The following CACNB1 variants were observed in gnomAD, a reference collection of about 807,000 sequenced individuals.
CACNB1 encodes the protein calcium voltage-gated channel auxiliary subunit beta 1.
A neutral mutation model predicts 71.6 loss-of-function variants in CACNB1; 29 were observed. The ratio of observed to expected loss-of-function variants is 0.40; its 90% CI spans 0.30 to 0.55. The LOEUF is 0.55. CACNB1 is among the 20% of genes least tolerant of loss of function. The pLI is 0.38. For synonymous variants in CACNB1, 300 were observed against 319.6 expected (o/e 0.94, Z 0.65); for missense variants, 623 against 801.8 (o/e 0.78, Z 2.69).
intron 2 of CACNB1, chr17:39,193,249 CAG>C (rs2046127471): frequency 6.6e-6 from 2 of 300,840 alleles, no homozygotes; most frequent in African/African-American, 2.3e-5. Flanking sequence ...CAGGTGCACA[CAG>C]ACACACATGT....
intron 1 of CACNB1, chr17:39,195,174 G>A (rs2046177627): frequency 1.8e-6 from 1 of 543,586 alleles, no homozygotes; most frequent in South Asian, 2.4e-5. Context: ...AGCACAGCCA[G>A]GAGTGGGGAC....
In CACNB1 at chr17:39,187,531, A is replaced by T. The variant is rs372424826; in HGVS notation, c.362T>A (p.Val121Glu). ...CTCGAAGGTGATGGCCACTCCCTGC[A>T]CAGGCACCTCATCCCCTGGAGACGG... Reference protein sequence around the residue: ...YNPSPGDEVPVQGVAITFEPK... With the variant: ...YNPSPGDEVPEQGVAITFEPK... Residue 121 changes from valine (V) to glutamate (E), a missense_variant, in exon 4 of 14, where the codon GTG becomes GAG. Transcript: ENST00000394303. 1 of 1,614,138 alleles carries T rather than the reference A, an allele frequency of 6.2e-7. No individual in the cohort carries two copies. The highest frequency in any genetic ancestry group is 8.5e-7 in the Non-Finnish European group (1 of 1,180,004).
chr17:39,186,436 TG>T lies in CACNB1; in HGVS notation c.628+59del. 1 of 1,270,796 alleles carries T rather than the reference TG, an allele frequency of 7.9e-7. No homozygotes were observed. The highest frequency in any genetic ancestry group is 1.1e-6 in the Non-Finnish European group (1 of 890,086). The allele number at this position is 1,270,796 out of a possible 1,614,324, so 78.7% of individuals were successfully genotyped here. A position where few individuals can be genotyped will look rare whatever the true frequency, so the allele number is the denominator to read the frequency against. ...TGCAGGGAAAGGAGGATTCAGGGAGTGGGGAGACCACCCCACCCAGGAGCTT... is the reference window on the plus strand; with the variant it reads ...TGCAGGGAAAGGAGGATTCAGGGAGTGGGAGACCACCCCACCCAGGAGCTT... On this transcript the variant is annotated intron_variant, in intron 6 of 13. Transcript: ENST00000394303. The surrounding 1 kb of genome is among the most constrained non-coding windows in gnomAD (Gnocchi z 4.1).
At chr17:39,188,416 A>C (rs905639636) in intron 3 of CACNB1, among the ~76,000 whole-genome samples, 1 of 152,150 alleles carries the variant, frequency 6.6e-6, no homozygotes, top group Non-Finnish European at 1.5e-5. Context: ...CGCTACTAAA[A>C]ATACAAAAAT....
Position 39,184,041 on chromosome 17 carries a change from G to A in CACNB1, c.888C>T (p.Arg296=), listed in dbSNP as rs771360174. The change falls in exon 10 of 14, where the codon CGC becomes CGT. Residue 296 remains arginine, a synonymous_variant. Transcript: ENST00000394303. ...CAGGAGTAGGCTCACCCAGGCTGGA[G>A]CGTGTGTTGGAGCGCTCAATGATGA... ...KHIIIERSNT[R]SSLAEVQSEI... 1.9e-6 allele frequency: 3 copies of A among 1,611,414 alleles called. No homozygotes were observed. In the East Asian group the frequency reaches 6.7e-5, roughly 36 times the overall value.
intron 3 of CACNB1, 71 bp from the exon 4 acceptor site, chr17:39,187,672 G>A: frequency 6.6e-7 from 1 of 1,522,226 alleles, no homozygotes; most frequent in Non-Finnish European, 9.1e-7. Flanking sequence ...CTTCCTGACA[G>A]TAGTGGTGGT....
intron 2 of CACNB1, chr17:39,193,058 G>A (rs1358296982): frequency 1.7e-5 from 3 of 174,232 alleles, no homozygotes; most frequent in East Asian, 1.9e-4. Context: ...GGGCATGCGC[G>A]TGCACACACA....
intron 1 of CACNB1, chr17:39,195,327 G>C (rs188186502): frequency 5.1e-6 from 1 of 194,728 alleles, no homozygotes; most frequent in South Asian, 1.2e-4. Flanking sequence ...AGAGGCCTCC[G>C]AGGAAGGGAG....
At chr17:39,179,149 C>T (rs937153300) in intron 11 of CACNB1, among the ~76,000 whole-genome samples, 1 of 150,904 alleles carries the variant, frequency 6.6e-6, no homozygotes, top group African/African-American at 2.4e-5. Flanking sequence ...AAACATTAGC[C>T]GGATGTGGTG....
intron 8 of CACNB1, 142 bp downstream of exon 8, chr17:39,184,642 T>C: frequency 9.0e-6 from 6 of 669,858 alleles, no homozygotes; most frequent in South Asian, 9.0e-5. Flanking sequence ...TTCTGTGGAT[T>C]GGGCCCCCTG....
chr17:39,185,207 G>A, intron 6 of CACNB1, 57 bp from the exon 7 acceptor site: 2 of 1,417,750 alleles, frequency 1.4e-6, no homozygotes, highest in Non-Finnish European at 2.0e-6. Flanking sequence ...AGGGGACCCA[G>A]GCAGGGGCAG....
chr17:39,187,155 T>A, intron 4 of CACNB1: 2 of 607,136 alleles, frequency 3.3e-6, no homozygotes, highest in South Asian at 4.0e-5. Context: ...ACCGGCCCAA[T>A]GCAATTCTGA....
chr17:39,182,225 G>C (rs2045786290), intron 11 of CACNB1, among the ~76,000 whole-genome samples: 1 of 151,720 alleles, frequency 6.6e-6, no homozygotes. Flanking sequence ...CTACTCGGGA[G>C]ACTGAGGCAC....
chr17:39,177,107 A>G, intron 13 of CACNB1: 1 of 1,425,622 alleles, frequency 7.0e-7, no homozygotes. Flanking sequence ...GAAGCCCCAG[A>G]CCCATCAAAA....
At chr17:39,196,320 T>A (rs1298401316) in intron 1 of CACNB1, among the ~76,000 whole-genome samples, 2 of 151,874 alleles carry the variant, frequency 1.3e-5, no homozygotes, top group African/African-American at 4.8e-5. Flanking sequence ...ACCCAGTGAA[T>A]CCCAGACACC....
intron 1 of CACNB1, chr17:39,195,190 CAA>C (rs2046178250): frequency 2.1e-6 from 1 of 471,200 alleles, no homozygotes; most frequent in Admixed American, 3.9e-5. Flanking sequence ...GGGACCAGTG[CAA>C]GAGAGCCCCA....
At chr17:39,185,562 C>T (rs1318024457) in intron 6 of CACNB1, among the ~76,000 whole-genome samples, 2 of 152,032 alleles carry the variant, frequency 1.3e-5, no homozygotes, top group Admixed American at 6.5e-5. Context: ...AGCAGCCCCC[C>T]CCCACTATGT....
chr17:39,180,889 A>T (rs1182584528), intron 11 of CACNB1, among the ~76,000 whole-genome samples: 1 of 151,796 alleles, frequency 6.6e-6, no homozygotes, highest in African/African-American at 2.4e-5. Context: ...ATAGACTTTA[A>T]ATGGCTGAAC....
Position 39,175,649 on chromosome 17 carries a change from G to A in CACNB1, c.1341C>T (p.Tyr447=). ...PAPVSNLQGP[Y]LASGDQPLER... is the part of the protein sequence containing the mutation. ...CCAGTGGCTGGTCCCCGGAAGCAAG[G>A]TAGGGTCCCTGGTTAGCAGACGGAC... Residue 447 remains tyrosine, a synonymous_variant, in exon 14 of 14, where the codon TAC becomes TAT. Coordinates refer to ENST00000394303, the MANE Select transcript of CACNB1 (RefSeq NM_000723.5). This position sits in a 1 kb window ranked among gnomAD's most constrained non-coding sequence, Gnocchi z 4.7. The A allele has an allele frequency of 6.4e-7, 1 of 1,562,898 alleles. No homozygotes were observed. Among genetic ancestry groups the A allele is most frequent in the Non-Finnish European group, 8.7e-7 (1 of 1,153,690 alleles).
Sources: allele counts gnomAD v4.1 joint callset (sites outside exome capture counted in the v4.1 genomes callset), GRCh38; gene constraint gnomAD v4.1.1; non-coding constraint Gnocchi (gnomAD v3.1); transcripts MANE v1.5; gene names NCBI Gene and HGNC (gene_info 2026-07-23, HGNC 2026-07-21).